The following FOXP1 variants were observed in gnomAD, a reference collection of about 807,000 sequenced individuals.
FOXP1 encodes the protein forkhead box P1.
FOXP1 carries 15 observed loss-of-function variants against 98.2 expected under a neutral mutation model. That is an observed-to-expected ratio of 0.15 (90% CI 0.10 to 0.24). The LOEUF is 0.24. Ranked by LOEUF, FOXP1 falls within the 10% of genes least tolerant of loss-of-function variation. FOXP1 has a pLI of 1.00. For missense variants in FOXP1, 633 were observed against 848.5 expected, an observed-to-expected ratio of 0.75 and a Z score of 3.15; for synonymous variants, 371 against 314.5, an observed-to-expected ratio of 1.18 and a Z score of -1.90.
chr3:70,977,604 C>A (rs1047974204), intron 16 of FOXP1, 39 bp downstream of exon 16: 3 of 1,488,346 alleles, frequency 2.0e-6, no homozygotes, highest in African/African-American at 2.8e-5. Context: ...TACACATATA[C>A]CTTCTGACAG....
chr3:71,263,387 T>C (rs990514083), intron 5 of FOXP1, among the ~76,000 whole-genome samples: 1 of 152,214 alleles, frequency 6.6e-6, no homozygotes, highest in Non-Finnish European at 1.5e-5. Flanking sequence ...AATTGGGTTT[T>C]TATTGTTCTG....
At chr3:70,998,274 A>G (rs1327870572) in intron 13 of FOXP1, among the ~76,000 whole-genome samples, 1 of 152,214 alleles carries the variant, frequency 6.6e-6, no homozygotes, top group Non-Finnish European at 1.5e-5. Flanking sequence ...CAGTAGATGA[A>G]TGGGCATGAG....
intron 3 of FOXP1, among the ~76,000 whole-genome samples, chr3:71,369,995 G>A (rs1207334416): frequency 6.6e-6 from 1 of 152,188 alleles, no homozygotes; most frequent in African/African-American, 2.4e-5. Context: ...AAGATTTCGT[G>A]GAAGAAATGA....
At chr3:71,166,435 T>C (rs1232963659) in intron 6 of FOXP1, among the ~76,000 whole-genome samples, 1 of 152,182 alleles carries the variant, frequency 6.6e-6, no homozygotes, top group Non-Finnish European at 1.5e-5. Flanking sequence ...AAACACCAAA[T>C]TTGGCAACCC....
intron 6 of FOXP1, among the ~76,000 whole-genome samples, chr3:71,121,284 A>G (rs2058747517): frequency 6.6e-6 from 1 of 150,574 alleles, no homozygotes; most frequent in Admixed American, 6.6e-5. Flanking sequence ...TCCGCTTGCA[A>G]TTATGAGTAA....
At chr3:71,210,326 T>A (rs1293156972) in intron 5 of FOXP1, among the ~76,000 whole-genome samples, 1 of 152,194 alleles carries the variant, frequency 6.6e-6, no homozygotes, top group African/African-American at 2.4e-5. Context: ...CATGTTTTTG[T>A]TTTGTTGCTC....
chr3:71,375,196 A>T (rs972682389), intron 3 of FOXP1, among the ~76,000 whole-genome samples: 2 of 152,214 alleles, frequency 1.3e-5, no homozygotes, highest in Admixed American at 1.3e-4. Context: ...GGTTGGGAGG[A>T]AAAAACAGAA....
At position 71,000,987 on chromosome 3, in the gene FOXP1, C is replaced by T. The variant is rs1266743440; in HGVS notation, c.1047G>A (p.Gln349=). 1 of 1,609,332 alleles carries T rather than the reference C, an allele frequency of 6.2e-7. No homozygotes were observed. The highest frequency in any genetic ancestry group is 2.2e-5 in the East Asian group (1 of 44,834). The change falls in exon 13 of 21, where the codon CAG becomes CAA. Residue 349 remains glutamine, a synonymous_variant. Coordinates refer to ENST00000649528, the MANE Select transcript of FOXP1 (RefSeq NM_001349338.3). ...AQCRVQMQVV[Q]QLELQLAKDK... ...GTGGTTTTACCTGTAGCTCTAACTG[C>T]TGTACAACCTGCATTTGTACTCTAC...
At chr3:71,146,671 G>A (rs1482760726) in intron 6 of FOXP1, among the ~76,000 whole-genome samples, 1 of 151,716 alleles carries the variant, frequency 6.6e-6, no homozygotes, top group East Asian at 1.9e-4. Context: ...CATTGTCTCC[G>A]AAATTCAGAT....
chr3:71,522,512 T>C (rs1242165906), intron 2 of FOXP1, among the ~76,000 whole-genome samples: 3 of 152,158 alleles, frequency 2.0e-5, no homozygotes, highest in African/African-American at 4.8e-5. Flanking sequence ...GGAATTGACT[T>C]TCCTGATTCT....
intron 3 of FOXP1, among the ~76,000 whole-genome samples, chr3:71,426,094 A>G (rs1336681245): frequency 6.6e-6 from 1 of 152,162 alleles, no homozygotes; most frequent in Non-Finnish European, 1.5e-5. Context: ...ATGTTGAAAG[A>G]GGATATTAAC....
intron 11 of FOXP1, among the ~76,000 whole-genome samples, chr3:71,026,123 GA>G (rs1385489886): frequency 6.6e-6 from 1 of 152,162 alleles, no homozygotes; most frequent in East Asian, 1.9e-4. Context: ...AATGGAGCAA[GA>G]AAGCATACTT....
intron 4 of FOXP1, among the ~76,000 whole-genome samples, chr3:71,323,078 C>A (rs1197271153): frequency 6.6e-6 from 1 of 151,572 alleles, no homozygotes; most frequent in African/African-American, 2.4e-5. Context: ...TCAAGCAATT[C>A]TCTTGCCTCA....
intron 3 of FOXP1, among the ~76,000 whole-genome samples, chr3:71,482,407 C>T (rs1243372408): frequency 3.0e-5 from 4 of 132,532 alleles, no homozygotes; most frequent in African/African-American, 1.2e-4. Flanking sequence ...CTTGCTCAGT[C>T]GCCCAGGCTG....
At chr3:71,277,016 T>G (rs1653989) in intron 5 of FOXP1, among the ~76,000 whole-genome samples, 2 of 149,774 alleles carry the variant, frequency 1.3e-5, no homozygotes, top group Admixed American at 1.3e-4. Flanking sequence ...TGGAGTGCAG[T>G]GGTGCCATCT....
At chr3:71,130,694 A>AG in intron 6 of FOXP1, 1 of 1,563,144 alleles carries the variant, frequency 6.4e-7, no homozygotes, top group African/African-American at 1.3e-5. Flanking sequence ...TGCCCTTTGT[A>AG]GGCAACCTCA....
intron 5 of FOXP1, among the ~76,000 whole-genome samples, chr3:71,232,690 G>A (rs968515658): frequency 6.6e-6 from 1 of 151,692 alleles, no homozygotes; most frequent in Non-Finnish European, 1.5e-5. Context: ...CTTGAGTTCA[G>A]GAGTTCGAGA....
In FOXP1 at chr3:70,958,969, T is replaced by TG. The variant is rs973389827; in HGVS notation, c.*277_*278insC. 1.3e-5 allele frequency: 6 copies of TG among 448,714 alleles called. No individual in the cohort carries two copies. The Admixed American group carries it at 2.1e-4, about 16-fold the overall frequency. The allele number at this position is 448,714 out of a possible 1,614,324, so 27.8% of individuals were successfully genotyped here. ...GTTTAGCAAATTTACAACACTGATG[T>TG]TGACGGTTAAGAGAGGAAAATCCCA... On this transcript the variant is annotated 3_prime_UTR_variant, in exon 21 of 21. Coordinates refer to ENST00000649528, the MANE Select transcript of FOXP1 (RefSeq NM_001349338.3).
At chr3:71,245,567 C>A (rs2067672938) in intron 5 of FOXP1, among the ~76,000 whole-genome samples, 1 of 148,822 alleles carries the variant, frequency 6.7e-6, no homozygotes, top group Admixed American at 6.8e-5. Flanking sequence ...ACCCACCCAC[C>A]CCCTCCCCAT....
Sources: allele counts gnomAD v4.1 joint callset (sites outside exome capture counted in the v4.1 genomes callset), GRCh38; gene constraint gnomAD v4.1.1; transcripts MANE v1.5; gene names NCBI Gene and HGNC (gene_info 2026-07-23, HGNC 2026-07-21).